Variants in CADM1 observed in about 807,000 individuals in gnomAD.
CADM1 encodes the protein cell adhesion molecule 1, also known as TSLC-1.
In CADM1, 15 loss-of-function variants were observed where a neutral mutation model predicts 53.1. The observed-to-expected ratio is 0.28, with a 90% CI of 0.19 to 0.44. The LOEUF is 0.44. Among genes scored for constraint, CADM1 ranks in the 20% least tolerant of loss-of-function variants. CADM1 has a pLI of 1.00. For missense variants in CADM1, 434 were observed against 611.3 expected, an observed-to-expected ratio of 0.71 and a Z score of 3.06; for synonymous variants, 281 against 243.0, an observed-to-expected ratio of 1.16 and a Z score of -1.45.
chr11:115,382,295 T>C (rs1946598792), intron 1 of CADM1, among the ~76,000 whole-genome samples: 1 of 152,114 alleles, frequency 6.6e-6, no homozygotes, highest in Admixed American at 6.5e-5. Context: ...AATAATACTG[T>C]TAATATAAAG....
chr11:115,305,415 C>T (rs1477403972), intron 1 of CADM1, among the ~76,000 whole-genome samples: 1 of 151,966 alleles, frequency 6.6e-6, no homozygotes, highest in Non-Finnish European at 1.5e-5. Flanking sequence ...AAATTCCTCT[C>T]CTTTTCTGTG....
chr11:115,381,261 T>C (rs1020247799), intron 1 of CADM1, among the ~76,000 whole-genome samples: 2 of 149,970 alleles, frequency 1.3e-5, no homozygotes, highest in African/African-American at 2.5e-5. Context: ...GCCACTGCAC[T>C]GTAGCCTGGG....
At chr11:115,249,382 CTG>C (rs1227283965) in intron 1 of CADM1, among the ~76,000 whole-genome samples, 1 of 152,234 alleles carries the variant, frequency 6.6e-6, no homozygotes, top group Non-Finnish European at 1.5e-5. Flanking sequence ...AAGGGATGAA[CTG>C]TGTAAATAGC....
intron 1 of CADM1, among the ~76,000 whole-genome samples, chr11:115,250,194 T>C (rs576129671): frequency 2.2e-4 from 34 of 152,332 alleles, no homozygotes; most frequent in South Asian, 4.1e-4. Flanking sequence ...TGAGCCACTG[T>C]GCCCACCCTT....
chr11:115,406,383 G>A (rs563003942), intron 1 of CADM1, among the ~76,000 whole-genome samples: 12 of 151,526 alleles, frequency 7.9e-5, no homozygotes, highest in Non-Finnish European at 1.6e-4. Flanking sequence ...AAAAAATCCA[G>A]ATCATTTAAG....
At position 115,378,232 on chromosome 11, in the gene CADM1, T is replaced by C. The variant is rs528746414; in HGVS notation, c.124+126039A>G. Among the ~76,000 whole-genome samples the C allele has an allele frequency of 3.3e-5, 5 of 152,246 alleles. No individual in the cohort carries two copies. In the East Asian group the frequency reaches 9.6e-4, roughly 29 times the overall value. On this transcript the variant is annotated intron_variant, in intron 1 of 11. Transcript: ENST00000331581. ...CGCAGGGAGAGTAATACCAGAAAAC[T>C]GACAGCATCCTCAGGACTAACAGAT...
intron 1 of CADM1, among the ~76,000 whole-genome samples, chr11:115,450,371 C>T (rs1160177329): frequency 6.6e-6 from 1 of 152,186 alleles, no homozygotes; most frequent in Non-Finnish European, 1.5e-5. Context: ...TTTTTAACTT[C>T]ATTCATAGCC....
At chr11:115,394,769 C>T (rs1946950288) in intron 1 of CADM1, among the ~76,000 whole-genome samples, 1 of 152,130 alleles carries the variant, frequency 6.6e-6, no homozygotes, top group Non-Finnish European at 1.5e-5. Context: ...CTGTTGATTT[C>T]CCTACGAGCC....
At chr11:115,275,758 T>C (rs1943427052) in intron 1 of CADM1, among the ~76,000 whole-genome samples, 1 of 152,186 alleles carries the variant, frequency 6.6e-6, no homozygotes, top group Non-Finnish European at 1.5e-5. Flanking sequence ...TAAGCCTTAA[T>C]AAGGAGAAAA....
intron 1 of CADM1, among the ~76,000 whole-genome samples, chr11:115,305,467 G>A (rs889334915): frequency 6.6e-6 from 1 of 151,616 alleles, no homozygotes; most frequent in African/African-American, 2.4e-5. Context: ...TTGCTTTTTT[G>A]TCCTTTTGGT....
chr11:115,190,776 A>T, intron 10 of CADM1, 112 bp downstream of exon 10: 5 of 828,720 alleles, frequency 6.0e-6, no homozygotes, highest in Admixed American at 4.9e-5. Context: ...GTTTTTTGTT[A>T]GTCTCAAAAT....
chr11:115,173,419 G>C lies in CADM1; in HGVS notation c.*3055C>G, dbSNP rs1389011896. On this transcript the variant is annotated 3_prime_UTR_variant, in exon 12 of 12. Coordinates refer to ENST00000331581, the MANE Select transcript of CADM1 (RefSeq NM_001301043.2). Reference sequence around the variant, plus strand: ...AGCACTTGGCTCACCTGTCCACTGAGAGTGGGGAAGAGAACAAGGACAGGA... The same window carrying C: ...AGCACTTGGCTCACCTGTCCACTGACAGTGGGGAAGAGAACAAGGACAGGA... 2 of 152,380 alleles carry C rather than the reference G, an allele frequency of 1.3e-5. No homozygotes were observed. The highest frequency in any genetic ancestry group is 1.3e-4 in the Admixed American group (2 of 15,290). 9.4% of individuals were successfully genotyped at this position (152,380 alleles called of 1,614,324 possible). A position where few individuals can be genotyped will look rare whatever the true frequency, so the allele number is the denominator to read the frequency against.
chr11:115,443,718 G>A (rs945169797), intron 1 of CADM1, among the ~76,000 whole-genome samples: 6 of 152,080 alleles, frequency 3.9e-5, no homozygotes, highest in African/African-American at 1.2e-4. Context: ...AACATTTTTT[G>A]CATACCCAGT....
intron 9 of CADM1, among the ~76,000 whole-genome samples, chr11:115,195,625 T>C (rs1940108856): frequency 6.6e-6 from 1 of 152,234 alleles, no homozygotes; most frequent in African/African-American, 2.4e-5. Flanking sequence ...ATGGTTGCTG[T>C]AATGAAGAAG....
At chr11:115,332,774 A>G (rs920697902) in intron 1 of CADM1, among the ~76,000 whole-genome samples, 1 of 152,112 alleles carries the variant, frequency 6.6e-6, no homozygotes, top group African/African-American at 2.4e-5. Context: ...ATAAATTTAA[A>G]GTCCTTGAGA....
rs763822269 is a variant in CADM1 at position 115,504,334 on chromosome 11, G to GCGCCGCCGC, written c.52_60dup (p.Ala18_Ala20dup). The stretch of plus-strand genomic sequence containing the variant: ...AGAAGCCGGAGCCGGAGCCCGGGAG[G>GCGCCGCCGC]CGCCGCCGCCGCCGCTGCCGCCGCA... On this transcript the variant is annotated inframe_insertion, in exon 1 of 12. Transcript: ENST00000331581. 14 of 1,550,560 alleles carry GCGCCGCCGC rather than the reference G, an allele frequency of 9.0e-6. No homozygotes were observed. The highest frequency in any genetic ancestry group is 4.1e-5 in the African/African-American group (3 of 73,178).
intron 1 of CADM1, among the ~76,000 whole-genome samples, chr11:115,302,155 G>T (rs930089957): frequency 1.3e-4 from 19 of 151,928 alleles, no homozygotes; most frequent in African/African-American, 4.6e-4. Context: ...CTATTGGAGG[G>T]GGAAGGGTGG....
At chr11:115,274,128 A>G (rs1943379942) in intron 1 of CADM1, among the ~76,000 whole-genome samples, 1 of 152,220 alleles carries the variant, frequency 6.6e-6, no homozygotes, top group Non-Finnish European at 1.5e-5. Context: ...CATCTAGATA[A>G]GCTTTAGGGT....
intron 1 of CADM1, among the ~76,000 whole-genome samples, chr11:115,338,883 T>A (rs1468567591): frequency 3.9e-5 from 5 of 128,334 alleles, no homozygotes; most frequent in South Asian, 4.7e-4. Flanking sequence ...TTTTATTTTT[T>A]TTTTTTTAAT....
Sources: gnomAD v4.1 joint callset for allele counts (sites outside exome capture counted in the v4.1 genomes callset) on GRCh38, gnomAD v4.1.1 for gene constraint, MANE v1.5 for transcripts, NCBI Gene and HGNC (gene_info 2026-07-23, HGNC 2026-07-21) for gene names.